The following TENM1 variants were observed in gnomAD, a reference collection of about 807,000 sequenced individuals.
The protein encoded by TENM1 is teneurin-1.
A neutral mutation model predicts 174.8 loss-of-function variants in TENM1; 35 were observed. The ratio of observed to expected loss-of-function variants is 0.20; its 90% CI spans 0.15 to 0.27. The LOEUF is 0.27. Among genes scored for constraint, TENM1 ranks in the 10% least tolerant of loss-of-function variants. TENM1 has a pLI of 1.00. For missense variants in TENM1, 1,633 were observed against 2,130.1 expected (o/e 0.77, Z 4.59); for synonymous variants, 781 against 798.7 (o/e 0.98, Z 0.37).
At chrX:125,148,630 C>A in the TENM1 span, among the ~76,000 whole-genome samples, 3 of 111,704 alleles carry the variant, frequency 2.7e-5, no homozygotes, top group Non-Finnish European at 3.8e-5. Flanking sequence ...AAATGTCTAA[C>A]CTCTTACAGT....
At chrX:125,010,035 C>T in the TENM1 span, among the ~76,000 whole-genome samples, 1 of 111,369 alleles carries the variant, frequency 9.0e-6, no homozygotes, top group Non-Finnish European at 1.9e-5. Context: ...CTGGCTAGGG[C>T]AATCAGGCAA....
At chrX:125,111,492 G>C in the TENM1 span, among the ~76,000 whole-genome samples, 1 of 111,820 alleles carries the variant, frequency 8.9e-6, no homozygotes, top group Non-Finnish European at 1.9e-5. Flanking sequence ...ATATTTAAGT[G>C]ATGCCATAAC....
At chrX:125,021,337 T>C in the TENM1 span, among the ~76,000 whole-genome samples, 1 of 110,251 alleles carries the variant, frequency 9.1e-6, no homozygotes, top group African/African-American at 3.3e-5. Flanking sequence ...TCTTTAAACA[T>C]CTGGCTGCAG....
intron 3 of TENM1, among the ~76,000 whole-genome samples, chrX:124,891,997 G>A (rs2057483810): frequency 8.9e-6 from 1 of 111,733 alleles, no homozygotes; most frequent in Non-Finnish European, 1.9e-5. Context: ...AACAATGATT[G>A]TTAGGATATA....
chrX:124,992,213 C>T, the TENM1 span, among the ~76,000 whole-genome samples: 1 of 111,264 alleles, frequency 9.0e-6, no homozygotes, highest in African/African-American at 3.3e-5. Context: ...TAAACTTCCT[C>T]CTGCTCCCCA....
At chrX:124,592,693 G>A (rs956483263) in intron 11 of TENM1, among the ~76,000 whole-genome samples, 49 of 108,236 alleles carry the variant, frequency 4.5e-4, no homozygotes, top group African/African-American at 1.5e-3. Flanking sequence ...CCACCCCACC[G>A]CTCCCCTTGG....
chrX:124,962,605 G>A (rs1040190596), intron 1 of TENM1, among the ~76,000 whole-genome samples: 1 of 111,535 alleles, frequency 9.0e-6, no homozygotes, highest in African/African-American at 3.3e-5. Flanking sequence ...GGATCACGAG[G>A]TCAGGAGTTT....
chrX:125,194,512 T>G, the TENM1 span, among the ~76,000 whole-genome samples: 1 of 111,464 alleles, frequency 9.0e-6, no homozygotes, highest in Admixed American at 9.5e-5. Context: ...CACCTTGCCC[T>G]CACTTTAAAA....
chrX:124,692,469 C>A (rs757890388), intron 5 of TENM1, among the ~76,000 whole-genome samples: 1 of 110,173 alleles, frequency 9.1e-6, no homozygotes, highest in East Asian at 2.8e-4. Context: ...TATTATAATA[C>A]ATTAAAAAGG....
chrX:124,754,213 TG>T (rs1453511592), intron 3 of TENM1, among the ~76,000 whole-genome samples: 2 of 111,389 alleles, frequency 1.8e-5, no homozygotes, highest in African/African-American at 6.5e-5. Context: ...GGTTTAGTCT[TG>T]GGAGGGTGTA....
rs182917491 is a variant in TENM1 at position 124,631,923 on chromosome X, T to G, written c.2077+9868A>C. ...AAAAAAAAAAAATCCATACAGTTTT[T>G]TTTTTTTTTTTGACAGTCTTGCTCT... On this transcript the variant is annotated intron_variant, in intron 11 of 31. Transcript: ENST00000422452. Among the ~76,000 whole-genome samples the G allele has an allele frequency of 4.6e-3, 472 of 103,182 alleles. 6 individuals are homozygous for G. Among genetic ancestry groups the G allele is most frequent in the African/African-American group, 0.016 (442 of 28,343 alleles). 89.6% of individuals were successfully genotyped at this position (103,182 alleles called of 115,157 possible). A position where few individuals can be genotyped will look rare whatever the true frequency, so the allele number is the denominator to read the frequency against.
At chrX:124,411,542 C>G (rs1036575458) in intron 25 of TENM1, among the ~76,000 whole-genome samples, 1 of 111,605 alleles carries the variant, frequency 9.0e-6, no homozygotes, top group Non-Finnish European at 1.9e-5. Flanking sequence ...CACCCCAACT[C>G]CAACACACTC....
At chrX:125,077,933 T>C in the TENM1 span, among the ~76,000 whole-genome samples, 4 of 111,593 alleles carry the variant, frequency 3.6e-5, no homozygotes, top group African/African-American at 1.3e-4. Context: ...AGCCCAAGTG[T>C]TGAAACAGAT....
At chrX:124,677,512 A>G (rs149082377) in intron 5 of TENM1, among the ~76,000 whole-genome samples, 1,149 of 111,540 alleles carry the variant, frequency 0.01, 9 homozygotes, top group African/African-American at 0.035. Flanking sequence ...TCCTTGACCA[A>G]GGAATTCTAC....
chrX:124,714,960 A>G lies in TENM1; in HGVS notation c.777-9709T>C, dbSNP rs546257879. ...TGTTCTGTTAACCCAACTTTAATTT[A>G]AAATTTGATATTAAAAAACTCTATA... On this transcript the variant is annotated intron_variant, in intron 4 of 31. Coordinates refer to ENST00000422452, the Ensembl canonical transcript of TENM1. Among the ~76,000 whole-genome samples the G allele has an allele frequency of 4.5e-5, 5 of 112,093 alleles. No individual in the cohort carries two copies. In the South Asian group the frequency reaches 1.9e-3, roughly 42 times the overall value.
At chrX:124,673,826 G>C (rs138761349) in intron 5 of TENM1, among the ~76,000 whole-genome samples, 190 of 111,488 alleles carry the variant, frequency 1.7e-3, no homozygotes, top group African/African-American at 5.7e-3. Flanking sequence ...AAAAAAGTGA[G>C]AGAAAGGAGG....
chrX:124,705,180 G>A, exon 5 of TENM1: 1 of 1,211,314 alleles, frequency 8.3e-7, no homozygotes, highest in Non-Finnish European at 1.1e-6. Flanking sequence ...GGTATTGGAT[G>A]TCAGAGGGTA....
intron 1 of TENM1, among the ~76,000 whole-genome samples, chrX:124,914,142 T>C (rs1183890352): frequency 1.8e-5 from 2 of 112,297 alleles, no homozygotes; most frequent in East Asian, 2.8e-4. Context: ...AGAAAGGCTA[T>C]GCATTCACTT....
chrX:124,641,391 T>C (rs146831534), intron 11 of TENM1, among the ~76,000 whole-genome samples: 200 of 111,175 alleles, frequency 1.8e-3, no homozygotes, highest in African/African-American at 6.2e-3. Flanking sequence ...TGGGATAGAG[T>C]TCCTGGGCTA....
Sources: allele counts gnomAD v4.1 joint callset (sites outside exome capture counted in the v4.1 genomes callset), GRCh38; gene constraint gnomAD v4.1.1; transcripts MANE v1.5; gene names NCBI Gene and HGNC (gene_info 2026-07-23, HGNC 2026-07-21).